The following RPRD2 variants were observed in gnomAD, a reference collection of about 807,000 sequenced individuals.
RPRD2 encodes regulation of nuclear pre-mRNA domain-containing protein 2.
RPRD2 carries 12 observed loss-of-function variants against 104.4 expected under a neutral mutation model. The ratio of observed to expected loss-of-function variants is 0.11; its 90% CI spans 0.07 to 0.19. The LOEUF is 0.19. Ranked by LOEUF, RPRD2 falls within the 10% of genes least tolerant of loss-of-function variation. The pLI, the probability that RPRD2 is intolerant of heterozygous loss-of-function variation, is 1.00. For synonymous variants in RPRD2, 714 were observed against 684.9 expected, an observed-to-expected ratio of 1.04 and a Z score of -0.66; for missense variants, 1,543 against 1,790.1, an observed-to-expected ratio of 0.86 and a Z score of 2.49.
intron 2 of RPRD2, among the ~76,000 whole-genome samples, chr1:150,424,328 C>T (rs907859642): frequency 6.6e-6 from 1 of 151,088 alleles, no homozygotes; most frequent in South Asian, 2.1e-4. Context: ...CTCACTCCGT[C>T]GCCCAGGCTG....
chr1:150,424,002 G>A (rs1664943642), intron 2 of RPRD2, among the ~76,000 whole-genome samples: 1 of 152,016 alleles, frequency 6.6e-6, no homozygotes. Context: ...ATGTTGGTCA[G>A]TCTGATCTCA....
intron 1 of RPRD2, among the ~76,000 whole-genome samples, chr1:150,416,580 C>T (rs1664343356): frequency 1.3e-5 from 2 of 151,942 alleles, no homozygotes; most frequent in Admixed American, 6.6e-5. Context: ...CATTGAAAAA[C>T]TTAACCGACT....
rs762092174 is a variant in RPRD2 at position 150,472,482 on chromosome 1, C to T, written c.3534C>T (p.Val1178=). ...KERAPQFQES[V]GSFRSNSFNS... is the part of the protein sequence containing the mutation. The stretch of plus-strand genomic sequence containing the variant: ...GGGCACCTCAATTTCAGGAGAGTGT[C>T]GGCAGCTTTCGTTCCAACAGTTTCA... Residue 1178 remains valine, a synonymous_variant, in exon 11 of 11, where the codon GTC becomes GTT. Transcript: ENST00000369068. 29 of 1,613,794 alleles carry T rather than the reference C, an allele frequency of 1.8e-5. No individual in the cohort carries two copies. The highest frequency in any genetic ancestry group is 7.7e-5 in the South Asian group (7 of 91,072).
At chr1:150,366,960 A>G (rs1307278541) in intron 1 of RPRD2, among the ~76,000 whole-genome samples, 2 of 152,242 alleles carry the variant, frequency 1.3e-5, no homozygotes, top group Non-Finnish European at 2.9e-5. Flanking sequence ...CTAGTCAGCA[A>G]TAATGAGATA....
At chr1:150,367,325 GTTC>G (rs1209161876) in intron 1 of RPRD2, among the ~76,000 whole-genome samples, 1 of 152,120 alleles carries the variant, frequency 6.6e-6, no homozygotes, top group African/African-American at 2.4e-5. Context: ...TTTCATTTAA[GTTC>G]TTATTTCTTT....
chr1:150,435,516 G>A (rs1033840075), intron 2 of RPRD2, among the ~76,000 whole-genome samples: 4 of 152,186 alleles, frequency 2.6e-5, no homozygotes, highest in African/African-American at 7.2e-5. Flanking sequence ...TGAATGATAA[G>A]AAAGCAAAAT....
At position 150,473,556 on chromosome 1, in the gene RPRD2, TAAA is replaced by T. The variant is rs61486244; in HGVS notation, c.*243_*245del. ...TCTACCTTCCCCAAGTTGTTTGTAT[TAAA>T]AAAAAAAAAAAAAAAAAAAAGTAAA... On this transcript the variant is annotated 3_prime_UTR_variant, in exon 11 of 11. Transcript: ENST00000369068. 197 of 98,346 alleles carry T rather than the reference TAAA, an allele frequency of 2.0e-3. No individual in the cohort carries two copies. The highest frequency in any genetic ancestry group is 5.5e-3 in the Middle Eastern group (1 of 182). 6.1% of individuals were successfully genotyped at this position (98,346 alleles called of 1,614,324 possible). A position where few individuals can be genotyped will look rare whatever the true frequency, so the allele number is the denominator to read the frequency against.
chr1:150,391,011 G>A (rs754031056), intron 1 of RPRD2, among the ~76,000 whole-genome samples: 2 of 152,118 alleles, frequency 1.3e-5, no homozygotes, highest in Non-Finnish European at 2.9e-5. Flanking sequence ...CAGTAGGAGA[G>A]GATGGGTATT....
At position 150,473,556 on chromosome 1, in the gene RPRD2, T is replaced by TAAAAAAAAAAAAACAAAAAAA. The variant is rs1668743036; in HGVS notation, c.*235_*236insCAAAAAAAAAAAAAAAAAAAA. ...TCTACCTTCCCCAAGTTGTTTGTATTAAAAAAAAAAAAAAAAAAAAAAAGT... is the reference window on the plus strand; with the variant it reads ...TCTACCTTCCCCAAGTTGTTTGTATTAAAAAAAAAAAAACAAAAAAAAAAAAAAAAAAAAAAAAAAAAAAGT... On this transcript the variant is annotated 3_prime_UTR_variant, in exon 11 of 11. Coordinates refer to ENST00000369068, the MANE Select transcript of RPRD2 (RefSeq NM_015203.5). The TAAAAAAAAAAAAACAAAAAAA allele has an allele frequency of 1.0e-5, 1 of 98,120 alleles. No homozygotes were observed. Among genetic ancestry groups the TAAAAAAAAAAAAACAAAAAAA allele is most frequent in the Non-Finnish European group, 1.9e-5 (1 of 51,862 alleles). The allele number at this position is 98,120 out of a possible 1,614,324, so 6.1% of individuals were successfully genotyped here. A position where few individuals can be genotyped will look rare whatever the true frequency, so the allele number is the denominator to read the frequency against.
intron 1 of RPRD2, among the ~76,000 whole-genome samples, chr1:150,393,645 CAAT>C (rs1662269152): frequency 6.6e-6 from 1 of 151,776 alleles, no homozygotes; most frequent in Non-Finnish European, 1.5e-5. Context: ...AATTTGGCAT[CAAT>C]AGTAGTGGGA....
At position 150,475,003 on chromosome 1, in the gene RPRD2, T is replaced by C. The variant is rs587664082; in HGVS notation, c.*1669T>C. 1.3e-5 allele frequency: 2 copies of C among 152,224 alleles called. No homozygotes were observed. Among genetic ancestry groups the C allele is most frequent in the African/African-American group, 2.4e-5 (1 of 41,534 alleles). The allele number at this position is 152,224 out of a possible 1,614,324, so 9.4% of individuals were successfully genotyped here. A position where few individuals can be genotyped will look rare whatever the true frequency, so the allele number is the denominator to read the frequency against. ...AGTTTTTGCGTAATTTATTCTGTTATTTATTTGGGCTCGCCATGTGTTCTG... is the reference window on the plus strand; with the variant it reads ...AGTTTTTGCGTAATTTATTCTGTTACTTATTTGGGCTCGCCATGTGTTCTG... On this transcript the variant is annotated 3_prime_UTR_variant, in exon 11 of 11. Transcript: ENST00000369068.
At chr1:150,397,146 G>T (rs1260386) in intron 1 of RPRD2, among the ~76,000 whole-genome samples, 49,827 of 151,664 alleles carry the variant, frequency 0.33, 8,898 homozygotes, top group Non-Finnish European at 0.4. Flanking sequence ...GTTAATTTTT[G>T]TATTTATAGT....
chr1:150,366,181 G>T (rs76692724), intron 1 of RPRD2, among the ~76,000 whole-genome samples: 129 of 152,332 alleles, frequency 8.5e-4, no homozygotes, highest in African/African-American at 3.0e-3. Context: ...ACATCTATTA[G>T]AATTTTTCTT....
At chr1:150,446,730 C>T (rs1199025891) in intron 7 of RPRD2, among the ~76,000 whole-genome samples, 2 of 151,084 alleles carry the variant, frequency 1.3e-5, no homozygotes, top group African/African-American at 4.9e-5. Flanking sequence ...GCCTGGCCAA[C>T]AAGAGTGAGA....
rs182209704 is a variant in RPRD2 at position 150,380,642 on chromosome 1, C to T, written c.205+15723C>T. On this transcript the variant is annotated intron_variant, in intron 1 of 10. Transcript: ENST00000369068. ...GGATTAAGGCGTGAGCCACCACACC[C>T]GGCTCCTATTTTATTTTATTTTTAT... Among the ~76,000 whole-genome samples, 9 of 152,000 alleles carry T rather than the reference C, an allele frequency of 5.9e-5. No individual in the cohort carries two copies. In the East Asian group the frequency reaches 1.4e-3, roughly 23 times the overall value.
chr1:150,473,299 G>C lies in RPRD2; in HGVS notation c.4351G>C (p.Ala1451Pro). 1 of 1,612,896 alleles carries C rather than the reference G, an allele frequency of 6.2e-7. No homozygotes were observed. The highest frequency in any genetic ancestry group is 2.2e-5 in the East Asian group (1 of 44,874). The stretch of plus-strand genomic sequence containing the variant: ...TTTTGCTAGGGGCCCTCCGTTCTTT[G>C]CACCAAAACGCCCATTCTTCCCTCC... ...PPFARGPPFF[A>P]PKRPFFPPRY Residue 1451 changes from alanine (A) to proline (P), a missense_variant, in exon 11 of 11, where the codon GCA becomes CCA. Ala to Pro is a conservative substitution (Grantham distance 27, BLOSUM62 -1). Coordinates refer to ENST00000369068, the MANE Select transcript of RPRD2 (RefSeq NM_015203.5).
In RPRD2 at chr1:150,470,878, A is replaced by G. The variant is rs754567014; in HGVS notation, c.1930A>G (p.Thr644Ala). 5 of 1,613,796 alleles carry G rather than the reference A, an allele frequency of 3.1e-6. No individual in the cohort carries two copies. The Admixed American group carries it at 6.7e-5, about 22-fold the overall frequency. ...CAATACTAGCCCTGCTGCCCCACCT[A>G]CTGAAGTTACCATCTGCCAATCTTC... ...THNTSPAAPP[T>A]EVTICQSSEV... Residue 644 changes from threonine (T) to alanine (A), a missense_variant, in exon 11 of 11, where the codon ACT (threonine) becomes GCT (alanine). Physicochemically the swap from Thr to Ala is moderately conservative, Grantham distance 58. Coordinates refer to ENST00000369068, the MANE Select transcript of RPRD2 (RefSeq NM_015203.5).
At chr1:150,381,376 T>A (rs1661117596) in intron 1 of RPRD2, among the ~76,000 whole-genome samples, 1 of 152,114 alleles carries the variant, frequency 6.6e-6, no homozygotes, top group Admixed American at 6.5e-5. Context: ...GAATTGTGAT[T>A]GTGCCACTGC....
At chr1:150,372,372 C>G (rs1162817794) in intron 1 of RPRD2, among the ~76,000 whole-genome samples, 1 of 152,028 alleles carries the variant, frequency 6.6e-6, no homozygotes, top group Non-Finnish European at 1.5e-5. Context: ...CACCTGTGGT[C>G]CCAGCTACTT....
Sources: allele counts gnomAD v4.1 joint callset (sites outside exome capture counted in the v4.1 genomes callset), GRCh38; gene constraint gnomAD v4.1.1; transcripts MANE v1.5; gene names NCBI Gene and HGNC (gene_info 2026-07-23, HGNC 2026-07-21).